RNLS: variants seen among roughly 807,000 people sequenced by gnomAD.
RNLS encodes renalase, FAD dependent amine oxidase, also known as renalase.
Under a neutral mutation model 39.8 loss-of-function variants are expected in RNLS, and 39 were observed. The observed-to-expected ratio is 0.98, with a 90% CI of 0.76 to 1.28. The LOEUF (loss-of-function observed/expected upper bound fraction) is 1.28, where lower values mean the gene tolerates loss of function less well. RNLS is among the 50% of genes most tolerant of loss of function. The pLI is 0.00. For synonymous variants in RNLS, 147 were observed against 150.7 expected (o/e 0.98, Z 0.18); for missense variants, 410 against 413.3 (o/e 0.99, Z 0.07).
At chr10:88,406,248 T>C (rs1165933101) in intron 4 of RNLS, among the ~76,000 whole-genome samples, 5 of 152,088 alleles carry the variant, frequency 3.3e-5, no homozygotes, top group African/African-American at 1.2e-4. Context: ...TCTTTGTGCT[T>C]CTTGTATTTG....
At chr10:88,237,637 T>A in the RNLS span, among the ~76,000 whole-genome samples, 2 of 152,208 alleles carry the variant, frequency 1.3e-5, no homozygotes, top group Admixed American at 1.3e-4. Flanking sequence ...CTTCTAAGCA[T>A]GGGCTTATAA....
At chr10:88,245,532 G>A in the RNLS span, among the ~76,000 whole-genome samples, 2 of 152,160 alleles carry the variant, frequency 1.3e-5, no homozygotes, top group South Asian at 4.1e-4. Context: ...GATTCAAAGA[G>A]TTAAAGTATC....
chr10:88,566,131 T>C (rs1380578491), intron 4 of RNLS, among the ~76,000 whole-genome samples: 1 of 152,024 alleles, frequency 6.6e-6, no homozygotes, highest in Non-Finnish European at 1.5e-5. Context: ...AAAATGAAAA[T>C]CATATCTGAG....
chr10:88,428,132 A>G (rs946720884), intron 4 of RNLS, among the ~76,000 whole-genome samples: 6 of 152,016 alleles, frequency 3.9e-5, no homozygotes, highest in Non-Finnish European at 8.8e-5. Flanking sequence ...GTATGTTAGC[A>G]TTTAAAAGAA....
At chr10:88,502,332 G>T (rs1413023063) in intron 4 of RNLS, among the ~76,000 whole-genome samples, 1 of 149,192 alleles carries the variant, frequency 6.7e-6, no homozygotes, top group Non-Finnish European at 1.5e-5. Context: ...GGAGGTGGGC[G>T]GGGGGGCGGG....
At chr10:88,193,138 T>C in the RNLS span, among the ~76,000 whole-genome samples, 2 of 152,166 alleles carry the variant, frequency 1.3e-5, no homozygotes, top group African/African-American at 4.8e-5. Context: ...TCACATCTCT[T>C]ACCTGTCACC....
At chr10:88,454,397 T>C (rs749163281) in intron 4 of RNLS, among the ~76,000 whole-genome samples, 3 of 152,220 alleles carry the variant, frequency 2.0e-5, no homozygotes, top group Non-Finnish European at 4.4e-5. Context: ...TATCCATGTC[T>C]GGAGAAGTCA....
chr10:88,516,642 T>C (rs1446774954), intron 4 of RNLS, among the ~76,000 whole-genome samples: 1 of 152,066 alleles, frequency 6.6e-6, no homozygotes, highest in African/African-American at 2.4e-5. Context: ...TTTTCTGATT[T>C]AGTATTTTCC....
At chr10:88,493,075 T>G (rs1465575582) in intron 4 of RNLS, among the ~76,000 whole-genome samples, 1 of 152,152 alleles carries the variant, frequency 6.6e-6, no homozygotes, top group Non-Finnish European at 1.5e-5. Flanking sequence ...TTTGAGAAAT[T>G]AAATCAGTAT....
intron 4 of RNLS, among the ~76,000 whole-genome samples, chr10:88,443,465 G>A (rs1166524962): frequency 6.6e-6 from 1 of 152,162 alleles, no homozygotes; most frequent in African/African-American, 2.4e-5. Context: ...CGGACAGTGG[G>A]TGCAGGACAG....
the RNLS span, among the ~76,000 whole-genome samples, chr10:88,173,818 G>GT: frequency 6.6e-6 from 1 of 152,064 alleles, no homozygotes; most frequent in Non-Finnish European, 1.5e-5. Context: ...ATGTCCATAG[G>GT]TTTTGGGGGA....
chr10:88,272,837 T>A (rs72818069), downstream of RNLS, among the ~76,000 whole-genome samples: 1 of 152,120 alleles, frequency 6.6e-6, no homozygotes, highest in African/African-American at 2.4e-5. Context: ...GCCTTGAAAG[T>A]CTCTAATCTA....
intron 4 of RNLS, among the ~76,000 whole-genome samples, chr10:88,454,955 A>G (rs1465725508): frequency 6.6e-6 from 1 of 152,240 alleles, no homozygotes; most frequent in Non-Finnish European, 1.5e-5. Context: ...TTTATTGAAT[A>G]CTGTTATCTG....
At chr10:88,328,602 A>G (rs1209577739) in intron 5 of RNLS, among the ~76,000 whole-genome samples, 2 of 152,184 alleles carry the variant, frequency 1.3e-5, no homozygotes, top group South Asian at 2.1e-4. Context: ...CTTGGAAATT[A>G]TATAGTTATA....
chr10:88,558,913 G>A (rs748336853), intron 4 of RNLS, among the ~76,000 whole-genome samples: 20 of 152,060 alleles, frequency 1.3e-4, no homozygotes, highest in Admixed American at 3.9e-4. Flanking sequence ...AGACCAGCTC[G>A]TGTCAGAAGT....
chr10:88,376,242 C>T (rs1036876041), intron 4 of RNLS, among the ~76,000 whole-genome samples: 2 of 152,060 alleles, frequency 1.3e-5, no homozygotes, highest in Non-Finnish European at 2.9e-5. Context: ...CCCAAGTGTC[C>T]TCAGTTCAAA....
the RNLS span, among the ~76,000 whole-genome samples, chr10:88,224,090 C>A: frequency 6.7e-6 from 1 of 149,834 alleles, no homozygotes; most frequent in African/African-American, 2.5e-5. Context: ...AGTAGATGCA[C>A]AAAGGGAGTC....
intron 4 of RNLS, among the ~76,000 whole-genome samples, chr10:88,555,207 G>A (rs755689425): frequency 2.0e-5 from 3 of 151,892 alleles, no homozygotes; most frequent in Admixed American, 6.6e-5. Flanking sequence ...ACACTGTCTC[G>A]GTGTCCTCCC....
At chr10:88,506,796 A>G (rs1845822169) in intron 4 of RNLS, among the ~76,000 whole-genome samples, 1 of 152,106 alleles carries the variant, frequency 6.6e-6, no homozygotes. Flanking sequence ...AAGTCAGAAA[A>G]CAAAGTAAGT....
Sources: gnomAD v4.1 joint callset for allele counts (sites outside exome capture counted in the v4.1 genomes callset) on GRCh38, gnomAD v4.1.1 for gene constraint, MANE v1.5 for transcripts, NCBI Gene and HGNC (gene_info 2026-07-23, HGNC 2026-07-21) for gene names.